The following CLMN variants were observed in gnomAD, a reference collection of about 807,000 sequenced individuals.
CLMN encodes calmin (calponin-like, transmembrane).
A neutral mutation model predicts 92.7 loss-of-function variants in CLMN; 57 were observed. That is an observed-to-expected ratio of 0.61 (90% CI 0.50 to 0.77). The LOEUF is 0.77. Ranked by LOEUF, CLMN falls within the 30% of genes least tolerant of loss-of-function variation. The pLI, the probability that CLMN is intolerant of heterozygous loss-of-function variation, is 0.00. For synonymous variants in CLMN, 466 were observed against 470.6 expected, an observed-to-expected ratio of 0.99 and a Z score of 0.13; for missense variants, 1,158 against 1,237.5, an observed-to-expected ratio of 0.94 and a Z score of 0.96.
chr14:95,196,568 C>T lies in CLMN; in HGVS notation c.2638G>A (p.Val880Ile), dbSNP rs2140562171. Residue 880 changes from valine (V) to isoleucine (I), a missense_variant, in exon 10 of 13, where the codon GTA (valine) becomes ATA (isoleucine). Val to Ile is a conservative substitution (Grantham distance 29, BLOSUM62 3). Transcript: ENST00000298912. ...HVDHVESSLF[V>I]APGSVQSSDD... Reference sequence around the variant, plus strand: ...GAGGATTGAACACTTCCTGGTGCTACAAATAGTGAACTTTCTACGTGGTCC... The same window carrying T: ...GAGGATTGAACACTTCCTGGTGCTATAAATAGTGAACTTTCTACGTGGTCC... The T allele has an allele frequency of 6.2e-7, 1 of 1,614,236 alleles. No individual in the cohort carries two copies. The highest frequency in any genetic ancestry group is 8.5e-7 in the Non-Finnish European group (1 of 1,180,038).
intron 1 of CLMN, among the ~76,000 whole-genome samples, chr14:95,292,909 G>T (rs1566917789): frequency 6.6e-6 from 1 of 152,102 alleles, no homozygotes; most frequent in Non-Finnish European, 1.5e-5. Context: ...CATCCAACCG[G>T]CCACAAACAT....
chr14:95,291,353 G>A (rs1048939556), intron 1 of CLMN, among the ~76,000 whole-genome samples: 11 of 152,190 alleles, frequency 7.2e-5, no homozygotes, highest in Admixed American at 4.6e-4. Flanking sequence ...ACATGGAGCC[G>A]CATCCCTGCA....
Position 95,191,609 on chromosome 14 carries a change from CA to C in CLMN, c.2963del (p.Val988GlyfsTer28). The C allele has an allele frequency of 6.2e-7, 1 of 1,613,750 alleles. No homozygotes were observed. The highest frequency in any genetic ancestry group is 8.5e-7 in the Non-Finnish European group (1 of 1,179,950). ...GTTGTGGGAAGAGCAGCAAGCAGTA[CA>C]CCAGGAGCCACAGGAAGAGAATAAA... ...MYFILFLWLLVYCLLLFPQLD... is the reference protein window; with the variant it reads ...MYFILFLWLLXYCLLLFPQLD... On this transcript the variant is annotated frameshift_variant, in exon 13 of 13. Coordinates refer to ENST00000298912, the MANE Select transcript of CLMN (RefSeq NM_024734.4). LOFTEE classifies it high-confidence loss of function. The surrounding 1 kb of genome is among the most constrained non-coding windows in gnomAD (Gnocchi z 5.3).
intron 1 of CLMN, among the ~76,000 whole-genome samples, chr14:95,279,669 G>T (rs552554832): frequency 6.6e-6 from 1 of 152,356 alleles, no homozygotes; most frequent in African/African-American, 2.4e-5. Flanking sequence ...TGTGGTCCCA[G>T]CTCCTCGGGA....
chr14:95,277,604 C>G (rs781487974), intron 1 of CLMN, among the ~76,000 whole-genome samples: 3 of 152,052 alleles, frequency 2.0e-5, no homozygotes, highest in Admixed American at 6.6e-5. Context: ...AGTAGCTAAG[C>G]CTTTGTCTTT....
chr14:95,200,591 G>A (rs938459671), intron 9 of CLMN, among the ~76,000 whole-genome samples: 10 of 152,104 alleles, frequency 6.6e-5, no homozygotes, highest in African/African-American at 1.9e-4. Flanking sequence ...ACTTATTAAC[G>A]TGGCATCTGC....
Position 95,220,237 on chromosome 14 carries a change from C to A in CLMN, c.324+1454G>T, listed in dbSNP as rs377433428. ...TGTTGCTCAGGCTGGAGTGCAGTGG[C>A]GAGATCTTAGCTCACTGAAACGTCC... On this transcript the variant is annotated intron_variant, in intron 4 of 12. Coordinates refer to ENST00000298912, the MANE Select transcript of CLMN (RefSeq NM_024734.4). 1.3e-3 allele frequency among the ~76,000 whole-genome samples: 156 copies of A among 124,164 alleles called. 1 individual carries two copies. Among genetic ancestry groups the A allele is most frequent in the African/African-American group, 4.8e-3 (154 of 32,078 alleles). 81.5% of individuals were successfully genotyped at this position (124,164 alleles called of 152,430 possible).
At chr14:95,290,880 A>G (rs562732652) in intron 1 of CLMN, among the ~76,000 whole-genome samples, 4 of 152,234 alleles carry the variant, frequency 2.6e-5, no homozygotes, top group East Asian at 1.9e-4. Flanking sequence ...TGCTGGTTCT[A>G]TGAAGGGTGG....
chr14:95,207,677 A>G (rs1187608), intron 8 of CLMN, among the ~76,000 whole-genome samples: 40,833 of 152,108 alleles, frequency 0.27, 6,805 homozygotes, highest in African/African-American at 0.46. Context: ...AGGTCAAGTC[A>G]CCAGCCTGAG....
chr14:95,285,962 T>A (rs1299996781), intron 1 of CLMN, among the ~76,000 whole-genome samples: 1 of 152,010 alleles, frequency 6.6e-6, no homozygotes, highest in African/African-American at 2.4e-5. Context: ...TAGGACCACA[T>A]GGTAAAGTGC....
In CLMN at chr14:95,184,113, C is replaced by G. The variant is rs1012102293; in HGVS notation, c.*7451G>C. ...GAAAAGGGGGCTGCTGGGCATCCTA[C>G]AACTTCATAAACTTTCAAGAAAAGT... On this transcript the variant is annotated 3_prime_UTR_variant, in exon 13 of 13. Coordinates refer to ENST00000298912, the MANE Select transcript of CLMN (RefSeq NM_024734.4). The G allele has an allele frequency of 6.6e-6, 1 of 152,212 alleles. No homozygotes were observed. The highest frequency in any genetic ancestry group is 6.5e-5 in the Admixed American group (1 of 15,278). 9.4% of individuals were successfully genotyped at this position (152,212 alleles called of 1,614,324 possible).
chr14:95,290,030 C>G (rs1367239533), intron 1 of CLMN, among the ~76,000 whole-genome samples: 1 of 152,214 alleles, frequency 6.6e-6, no homozygotes, highest in Non-Finnish European at 1.5e-5. Flanking sequence ...TGGGGGATGT[C>G]TTTTGGGAAT....
chr14:95,214,412 T>G lies in CLMN; in HGVS notation c.418-1003A>C, dbSNP rs1036254021. 4.7e-5 allele frequency among the ~76,000 whole-genome samples: 7 copies of G among 147,382 alleles called. No homozygotes were observed. The East Asian group carries it at 1.4e-3, about 30-fold the overall frequency. ...TTGCCCAGGCTGGAGTGCAGTGGCA[T>G]GATCATGTCTCACTATAGCCTTGAA... On this transcript the variant is annotated intron_variant, in intron 5 of 12. Transcript: ENST00000298912.
chr14:95,222,062 A>G (rs935280880), intron 3 of CLMN, among the ~76,000 whole-genome samples: 3 of 152,128 alleles, frequency 2.0e-5, no homozygotes, highest in Non-Finnish European at 2.9e-5. Flanking sequence ...TCAGCAAGGG[A>G]CAAATTTGTC....
chr14:95,287,130 C>T (rs1900375676), intron 1 of CLMN, among the ~76,000 whole-genome samples: 1 of 152,200 alleles, frequency 6.6e-6, no homozygotes, highest in South Asian at 2.1e-4. Flanking sequence ...TGTGAATTTG[C>T]ACAGAGGAGG....
chr14:95,273,359 G>A (rs368469437), intron 1 of CLMN, among the ~76,000 whole-genome samples: 5 of 152,178 alleles, frequency 3.3e-5, no homozygotes, highest in African/African-American at 9.7e-5. Flanking sequence ...GAGGCCACAC[G>A]TCAAGAAGGG....
intron 1 of CLMN, among the ~76,000 whole-genome samples, chr14:95,278,510 G>A (rs1388500350): frequency 5.9e-5 from 9 of 151,304 alleles, no homozygotes; most frequent in African/African-American, 9.7e-5. Flanking sequence ...AGGTGCCACC[G>A]ATCCCGTTTT....
At position 95,191,727 on chromosome 14, in the gene CLMN, G is replaced by T; in HGVS notation, c.2846C>A (p.Ala949Asp). Reference protein sequence around the residue: ...DRRNRILTRKANSSGEAMSLG... With the variant: ...DRRNRILTRKDNSSGEAMSLG... Reference sequence around the variant, plus strand: ...TGACATGGCTTCTCCTGAGCTGTTGGCCTTCCTACAGAAGAAACACAGAGG... The same window carrying T: ...TGACATGGCTTCTCCTGAGCTGTTGTCCTTCCTACAGAAGAAACACAGAGG... Residue 949 changes from alanine to aspartate, a missense_variant, in exon 13 of 13, where the codon GCC becomes GAC. By Grantham distance (126) the Ala-to-Asp change is moderately radical. Transcript: ENST00000298912. This position sits in a 1 kb window ranked among gnomAD's most constrained non-coding sequence, Gnocchi z 5.3. 6.2e-7 allele frequency: 1 copy of T among 1,604,392 alleles called. No individual in the cohort carries two copies.
chr14:95,254,517 A>G (rs139872585), intron 1 of CLMN, among the ~76,000 whole-genome samples: 72 of 152,254 alleles, frequency 4.7e-4, no homozygotes, highest in Middle Eastern at 3.4e-3. Flanking sequence ...AGCCTCGTGC[A>G]CACACACTTG....
Sources: allele counts gnomAD v4.1 joint callset (sites outside exome capture counted in the v4.1 genomes callset), GRCh38; gene constraint gnomAD v4.1.1; non-coding constraint Gnocchi (gnomAD v3.1); transcripts MANE v1.5; gene names NCBI Gene and HGNC (gene_info 2026-07-23, HGNC 2026-07-21).